DYM: variants seen among roughly 807,000 people sequenced by gnomAD.
DYM encodes the protein dyggve-Melchior-Clausen syndrome protein.
DYM carries 78 observed loss-of-function variants against 93.1 expected under a neutral mutation model. The observed-to-expected ratio is 0.84, with a 90% confidence interval of 0.70 to 1.01. DYM has a LOEUF of 1.01. Ranked by LOEUF, DYM falls within the 50% of genes least tolerant of loss-of-function variation. The pLI is 0.00. For missense variants in DYM, 789 were observed against 845.0 expected (o/e 0.93, Z 0.82); for synonymous variants, 321 against 319.7 (o/e 1.00, Z -0.04).
intron 17 of DYM, among the ~76,000 whole-genome samples, chr18:49,054,333 C>T (rs1021376785): frequency 2.6e-5 from 4 of 152,206 alleles, no homozygotes; most frequent in Admixed American, 6.5e-5. Flanking sequence ...CCTCTGCCTC[C>T]CGGGTTTAAG....
chr18:49,288,670 C>T (rs982598114), intron 8 of DYM, among the ~76,000 whole-genome samples: 2 of 151,914 alleles, frequency 1.3e-5, no homozygotes, highest in Non-Finnish European at 2.9e-5. Flanking sequence ...CTCCCAGCTA[C>T]TTGGGAGGCT....
intron 2 of DYM, among the ~76,000 whole-genome samples, chr18:49,399,934 CTT>C (rs1201370040): frequency 0.092 from 6,011 of 65,114 alleles, 40 homozygotes; most frequent in African/African-American, 0.17. Context: ...TTTTATTTTT[CTT>C]TTTTTTTTTT....
chr18:49,200,533 A>G (rs1320543242), intron 14 of DYM, among the ~76,000 whole-genome samples: 1 of 151,848 alleles, frequency 6.6e-6, no homozygotes, highest in Non-Finnish European at 1.5e-5. Context: ...TCTTTATAAT[A>G]TTTTAATGGC....
chr18:49,101,057 G>T (rs1001066380), intron 16 of DYM, among the ~76,000 whole-genome samples: 4 of 152,134 alleles, frequency 2.6e-5, no homozygotes, highest in African/African-American at 9.7e-5. Context: ...CCTACTCCCA[G>T]GTTATAATTT....
rs1159898078 is a variant in DYM at position 49,203,883 on chromosome 18, A to G, written c.1625+5668T>C. ...AAATTTAAAAAAGTAAAAAAAAAAA[A>G]AAAAAAAAAAAAAAACAACTCTGGG... is the stretch of plus-strand genomic sequence containing the variant. On this transcript the variant is annotated intron_variant, in intron 14 of 17. Transcript: ENST00000675505. Among the ~76,000 whole-genome samples, 260 of 141,074 alleles carry G rather than the reference A, an allele frequency of 1.8e-3. 2 individuals carry two copies. Among genetic ancestry groups the G allele is most frequent in the African/African-American group, 6.1e-3 (238 of 39,266 alleles). The allele number at this position is 141,074 out of a possible 152,430, so 92.6% of individuals were successfully genotyped here.
At chr18:49,256,769 A>T (rs1157669202) in intron 13 of DYM, among the ~76,000 whole-genome samples, 1 of 152,232 alleles carries the variant, frequency 6.6e-6, no homozygotes, top group Non-Finnish European at 1.5e-5. Context: ...AAAAACTAAC[A>T]TTACACTTAA....
chr18:49,317,768 G>A (rs779474229), intron 8 of DYM, among the ~76,000 whole-genome samples: 7 of 150,552 alleles, frequency 4.6e-5, no homozygotes, highest in East Asian at 3.9e-4. Flanking sequence ...CACCATGCCC[G>A]GCTAAGCCAT....
At chr18:49,426,505 C>T (rs577989134) in intron 2 of DYM, among the ~76,000 whole-genome samples, 1 of 151,536 alleles carries the variant, frequency 6.6e-6, no homozygotes, top group South Asian at 2.1e-4. Flanking sequence ...TGTAACAAAC[C>T]TGCATGTTGT....
chr18:49,299,049 C>G (rs111680166), intron 8 of DYM, among the ~76,000 whole-genome samples: 65 of 152,280 alleles, frequency 4.3e-4, no homozygotes, highest in African/African-American at 1.5e-3. Flanking sequence ...TTCCTTTAAA[C>G]AAGTCTGAGT....
chr18:49,393,089 GA>G, intron 2 of DYM, among the ~76,000 whole-genome samples: 2 of 77,402 alleles, frequency 2.6e-5, no homozygotes, highest in Non-Finnish European at 5.2e-5. Flanking sequence ...AGAAGGGAGG[GA>G]GGGAAGGAAG....
chr18:49,261,546 C>G (rs2145257084), intron 11 of DYM, among the ~76,000 whole-genome samples: 1 of 152,248 alleles, frequency 6.6e-6, no homozygotes, highest in Non-Finnish European at 1.5e-5. Context: ...ACCTGTAATC[C>G]CAGCTACTTG....
At chr18:49,221,169 T>G (rs1412486354) in intron 13 of DYM, among the ~76,000 whole-genome samples, 1 of 152,058 alleles carries the variant, frequency 6.6e-6, no homozygotes, top group Non-Finnish European at 1.5e-5. Flanking sequence ...TCACCATCAC[T>G]GGCCATCAGA....
chr18:49,352,026 G>A (rs77669435), intron 6 of DYM, among the ~76,000 whole-genome samples: 10 of 152,160 alleles, frequency 6.6e-5, no homozygotes, highest in Admixed American at 2.0e-4. Flanking sequence ...TTTCAAAAAT[G>A]AGGCTAAAAT....
At chr18:49,100,052 T>C (rs1190762648) in intron 16 of DYM, among the ~76,000 whole-genome samples, 4 of 152,204 alleles carry the variant, frequency 2.6e-5, no homozygotes, top group Non-Finnish European at 4.4e-5. Context: ...GGTGAGCGCA[T>C]GTATGCCAAG....
intron 2 of DYM, among the ~76,000 whole-genome samples, chr18:49,423,109 T>A (rs150006715): frequency 2.0e-5 from 3 of 152,146 alleles, no homozygotes; most frequent in Non-Finnish European, 4.4e-5. Context: ...CAGCACCACA[T>A]AGCACTTATT....
intron 1 of DYM, among the ~76,000 whole-genome samples, chr18:49,452,374 T>G (rs994408443): frequency 6.6e-6 from 1 of 152,098 alleles, no homozygotes. Flanking sequence ...CCATTGCTGG[T>G]TCAGGCAGCC....
chr18:49,086,823 A>G (rs1290899444), intron 17 of DYM, among the ~76,000 whole-genome samples: 3 of 151,952 alleles, frequency 2.0e-5, no homozygotes, highest in Non-Finnish European at 4.4e-5. Flanking sequence ...CCCCATCACT[A>G]CTAAAAATAC....
chr18:49,365,621 T>C (rs143666650), intron 5 of DYM, among the ~76,000 whole-genome samples: 139 of 152,250 alleles, frequency 9.1e-4, no homozygotes, highest in African/African-American at 3.1e-3. Context: ...TTCTACAGGA[T>C]GCAATGTCCC....
At position 49,379,745 on chromosome 18, in the gene DYM, A is replaced by G. The variant is rs145889194; in HGVS notation, c.207T>C (p.Pro69=). ...SVCRSLVENN[P]RTGNLGALIK... is the part of the protein sequence containing the mutation. Reference sequence around the variant, plus strand: ...TTAGTGCACCAAGATTTCCTGTTCGAGGATTGTTTTCAACTGCAAGAGAAG... The same window carrying G: ...TTAGTGCACCAAGATTTCCTGTTCGGGGATTGTTTTCAACTGCAAGAGAAG... The change falls in exon 4 of 18, where the codon CCT becomes CCC. Residue 69 remains proline (P), a synonymous_variant. Transcript: ENST00000675505. 1.1e-4 allele frequency: 180 copies of G among 1,612,956 alleles called. No individual in the cohort carries two copies. Among genetic ancestry groups the G allele is most frequent in the Non-Finnish European group, 1.4e-4 (170 of 1,179,268 alleles).
Sources: gnomAD v4.1 joint callset for allele counts (sites outside exome capture counted in the v4.1 genomes callset) on GRCh38, gnomAD v4.1.1 for gene constraint, MANE v1.5 for transcripts, NCBI Gene and HGNC (gene_info 2026-07-23, HGNC 2026-07-21) for gene names.